Variants in WDR64 observed in about 807,000 individuals in gnomAD.
WDR64 encodes WD repeat-containing protein 64.
A neutral mutation model predicts 139.3 loss-of-function variants in WDR64; 112 were observed. The ratio of observed to expected loss-of-function variants is 0.80; its 90% CI spans 0.69 to 0.94. The LOEUF is 0.94. WDR64 is among the 40% of genes least tolerant of loss of function. The probability of loss-of-function intolerance (pLI) is 0.00; values close to 1 mark genes in which losing one functional copy is unlikely to be tolerated. For missense variants in WDR64, 1,206 were observed against 1,293.1 expected, an observed-to-expected ratio of 0.93 and a Z score of 1.03; for synonymous variants, 444 against 437.7, an observed-to-expected ratio of 1.01 and a Z score of -0.18.
chr1:241,788,216 C>A (rs1358977126), intron 24 of WDR64, among the ~76,000 whole-genome samples, 182 bp downstream of exon 24: 2 of 152,160 alleles, frequency 1.3e-5, no homozygotes, highest in African/African-American at 4.8e-5. Context: ...CTGGGAACAT[C>A]TGATTCTTAA....
intron 11 of WDR64, among the ~76,000 whole-genome samples, chr1:241,739,199 A>C (rs1344559696): frequency 6.6e-6 from 1 of 152,212 alleles, no homozygotes; most frequent in African/African-American, 2.4e-5. Flanking sequence ...ATGCCTACTA[A>C]AGAAACAAGG....
At chr1:241,731,541 G>C (rs888625003) in intron 10 of WDR64, among the ~76,000 whole-genome samples, 1 of 152,120 alleles carries the variant, frequency 6.6e-6, no homozygotes, top group Non-Finnish European at 1.5e-5. Context: ...CACAGTTATT[G>C]GACGTGAATC....
rs941491307 is a variant in WDR64, at chr1:241,796,384, A to G, written c.3192+14A>G. 6.5e-7 allele frequency: 1 copy of G among 1,541,426 alleles called. No homozygotes were observed. Among genetic ancestry groups the G allele is most frequent in the Non-Finnish European group, 8.9e-7 (1 of 1,118,520 alleles). ...CAACGTGAAAAAGTAAGTTAGTACT[A>G]ATTCCACCGTTAACTCCAATTTCAG... On this transcript the variant is annotated intron_variant, in intron 27 of 27. Coordinates refer to ENST00000437684, the MANE Select transcript of WDR64 (RefSeq NM_001367482.1).
At chr1:241,667,788 AT>A (rs1666076115) in intron 2 of WDR64, among the ~76,000 whole-genome samples, 1 of 152,224 alleles carries the variant, frequency 6.6e-6, no homozygotes, top group South Asian at 2.1e-4. Flanking sequence ...ACACCTTCAT[AT>A]TAGGAAAATG....
rs1163848847 is a variant in WDR64 at position 241,703,792 on chromosome 1, A to G, written c.975-8010A>G. ...AGTTCCACATGGCTGGGGAGGCTTC[A>G]GGAAACTTACAATCATGGCGGAAGG... On this transcript the variant is annotated intron_variant, in intron 8 of 27. Transcript: ENST00000437684. The surrounding 1 kb of genome is among the most constrained non-coding windows in gnomAD (Gnocchi z 5.9). 1.3e-5 allele frequency among the ~76,000 whole-genome samples: 2 copies of G among 152,200 alleles called. No homozygotes were observed. Among genetic ancestry groups the G allele is most frequent in the Non-Finnish European group, 2.9e-5 (2 of 68,034 alleles).
At chr1:241,727,033 C>T (rs1668870980) in intron 10 of WDR64, among the ~76,000 whole-genome samples, 1 of 151,912 alleles carries the variant, frequency 6.6e-6, no homozygotes, top group Non-Finnish European at 1.5e-5. Flanking sequence ...ATTACAGGCT[C>T]CTGCCACCAT....
In WDR64 at chr1:241,687,405, ATAT is replaced by A. The variant is rs1020170041; in HGVS notation, c.840-52_840-50del. On this transcript the variant is annotated intron_variant, in intron 7 of 27. Transcript: ENST00000437684. ...TCAAAGTAAATTGCTGAATAGAAAC[ATAT>A]TATACGTTTGTGTGTCTAACATAAA... is the stretch of plus-strand genomic sequence containing the variant. 6.9e-5 allele frequency: 111 copies of A among 1,597,460 alleles called. 1 individual carries two copies. In the Admixed American group the frequency reaches 1.5e-3, roughly 21 times the overall value.
chr1:241,761,022 T>C (rs959805584), intron 15 of WDR64, among the ~76,000 whole-genome samples: 1 of 152,124 alleles, frequency 6.6e-6, no homozygotes, highest in Non-Finnish European at 1.5e-5. Context: ...ACAATCATCC[T>C]AGACATTATC....
At chr1:241,761,433 G>A (rs1657890464) in intron 15 of WDR64, among the ~76,000 whole-genome samples, 2 of 151,976 alleles carry the variant, frequency 1.3e-5, no homozygotes, top group Non-Finnish European at 2.9e-5. Context: ...TATAATGAGT[G>A]AGTGGAGCAT....
chr1:241,661,721 T>C (rs1261910908), intron 2 of WDR64, among the ~76,000 whole-genome samples: 2 of 152,160 alleles, frequency 1.3e-5, no homozygotes, highest in East Asian at 3.9e-4. Context: ...GTAAAGGTGG[T>C]TCAATATTAG....
rs375495995 is a variant in WDR64 at position 241,787,925 on chromosome 1, G to T, written c.2782G>T (p.Asp928Tyr). 6.2e-7 allele frequency: 1 copy of T among 1,612,794 alleles called. No individual in the cohort carries two copies. Among genetic ancestry groups the T allele is most frequent in the African/African-American group, 1.3e-5 (1 of 74,820 alleles). ...RRLFELSQTR[D>Y]FILPCDVTEY... Reference sequence around the variant, plus strand: ...GCTCTTTGAATTATCACAGACAAGAGATTTCATTTTGCCTTGTGATGTTAC... The same window carrying T: ...GCTCTTTGAATTATCACAGACAAGATATTTCATTTTGCCTTGTGATGTTAC... The change falls in exon 24 of 28, where the codon GAT becomes TAT. Residue 928 changes from aspartate (D) to tyrosine (Y), a missense_variant. By Grantham distance (160) the Asp-to-Tyr change is radical. Transcript: ENST00000437684.
chr1:241,770,230 C>T (rs6690241), intron 17 of WDR64, among the ~76,000 whole-genome samples: 25,742 of 152,120 alleles, frequency 0.17, 2,565 homozygotes, highest in African/African-American at 0.25. Context: ...TGGAGTGCCA[C>T]AGACTAGGAT....
rs559812414 is a variant in WDR64, at chr1:241,690,514, A to G, written c.974+2919A>G. ...AAATGAGCCAGAGGGGAAAAAAACAACTTATCTGTAGAAAAGCAAAGACAA... is the reference window on the plus strand; with the variant it reads ...AAATGAGCCAGAGGGGAAAAAAACAGCTTATCTGTAGAAAAGCAAAGACAA... On this transcript the variant is annotated intron_variant, in intron 8 of 27. Coordinates refer to ENST00000437684, the MANE Select transcript of WDR64 (RefSeq NM_001367482.1). 4.1e-4 allele frequency among the ~76,000 whole-genome samples: 63 copies of G among 152,172 alleles called. 1 individual carries two copies. The South Asian group carries it at 8.9e-3, about 22-fold the overall frequency.
At position 241,687,495 on chromosome 1, in the gene WDR64, A is replaced by G; in HGVS notation, c.874A>G (p.Lys292Glu). ...GAAGCTACATAATGACTGGGTTATG[A>G]AAATTAGATATATTTCAGCCCTAAA... is the stretch of plus-strand genomic sequence containing the variant. ...KRKLHNDWVM[K>E]IRYISALNCF... The change falls in exon 8 of 28, where the codon AAA becomes GAA. Residue 292 changes from lysine to glutamate, a missense_variant. By Grantham distance (56) the Lys-to-Glu change is moderately conservative. Coordinates refer to ENST00000437684, the MANE Select transcript of WDR64 (RefSeq NM_001367482.1). 1 of 1,613,990 alleles carries G rather than the reference A, an allele frequency of 6.2e-7. No individual in the cohort carries two copies. Among genetic ancestry groups the G allele is most frequent in the Non-Finnish European group, 8.5e-7 (1 of 1,179,952 alleles).
chr1:241,757,382 A>G lies in WDR64; in HGVS notation c.1870A>G (p.Thr624Ala). The change falls in exon 15 of 28, where the codon ACT becomes GCT. Residue 624 changes from threonine (T) to alanine (A), a missense_variant. By Grantham distance (58) the Thr-to-Ala change is moderately conservative. Coordinates refer to ENST00000437684, the MANE Select transcript of WDR64 (RefSeq NM_001367482.1). ...ACATGCTGTGCATCTGAGAATGTCT[A>G]CTAGAGACAGGAACATGGCTATTCC... ...GKHAVHLRMS[T>A]RDRNMAIPFP... 2 of 1,614,108 alleles carry G rather than the reference A, an allele frequency of 1.2e-6. No homozygotes were observed. Among genetic ancestry groups the G allele is most frequent in the African/African-American group, 1.3e-5 (1 of 75,050 alleles).
chr1:241,693,672 C>T (rs997137587), intron 8 of WDR64, among the ~76,000 whole-genome samples: 1 of 152,088 alleles, frequency 6.6e-6, no homozygotes, highest in Admixed American at 6.6e-5. Context: ...GTGCCTTCCC[C>T]TCAGTTCTGC....
At chr1:241,732,383 T>C (rs1669118458) in intron 10 of WDR64, among the ~76,000 whole-genome samples, 1 of 152,230 alleles carries the variant, frequency 6.6e-6, no homozygotes. Flanking sequence ...ACAGGGCTTC[T>C]ATTAATCTTT....
At chr1:241,738,307 C>T in intron 10 of WDR64, 56 bp from the exon 11 acceptor site, 1 of 1,568,322 alleles carries the variant, frequency 6.4e-7, no homozygotes, top group East Asian at 2.3e-5. Flanking sequence ...ACCTAAATAT[C>T]TTGGGTGAGA....
chr1:241,670,236 T>C (rs1452428484), intron 2 of WDR64, among the ~76,000 whole-genome samples: 1 of 152,194 alleles, frequency 6.6e-6, no homozygotes, highest in African/African-American at 2.4e-5. Flanking sequence ...CTCACAATTT[T>C]TTTTTCATGG....
Sources: allele counts gnomAD v4.1 joint callset (sites outside exome capture counted in the v4.1 genomes callset), GRCh38; gene constraint gnomAD v4.1.1; non-coding constraint Gnocchi (gnomAD v3.1); transcripts MANE v1.5; gene names NCBI Gene and HGNC (gene_info 2026-07-23, HGNC 2026-07-21).